Variants in YWHAE observed in about 807,000 individuals in gnomAD.
YWHAE encodes the protein 14-3-3 protein epsilon.
In YWHAE, 4 loss-of-function variants were observed where a neutral mutation model predicts 30.1. The observed-to-expected ratio is 0.13, with a 90% confidence interval of 0.07 to 0.30. The LOEUF (loss-of-function observed/expected upper bound fraction) is 0.30, where lower values mean the gene tolerates loss of function less well. Ranked by LOEUF, YWHAE falls within the 10% of genes least tolerant of loss-of-function variation. The probability of loss-of-function intolerance (pLI) is 1.00; values close to 1 mark genes in which losing one functional copy is unlikely to be tolerated. For synonymous variants in YWHAE, 118 were observed against 111.8 expected (o/e 1.06, Z -0.35); for missense variants, 121 against 315.9 (o/e 0.38, Z 4.68).
At chr17:1,363,943 C>G (rs1290495824) in intron 2 of YWHAE, among the ~76,000 whole-genome samples, 1 of 152,046 alleles carries the variant, frequency 6.6e-6, no homozygotes, top group African/African-American at 2.4e-5. Flanking sequence ...TTAGCAGCAC[C>G]CCAGTCCCCA....
intron 1 of YWHAE, among the ~76,000 whole-genome samples, chr17:1,366,926 AG>A (rs1220077010): frequency 6.6e-6 from 1 of 152,118 alleles, no homozygotes; most frequent in Non-Finnish European, 1.5e-5. Context: ...TGGGTGACAG[AG>A]TGAGACTCCG....
intron 1 of YWHAE, among the ~76,000 whole-genome samples, chr17:1,383,439 G>A (rs2073248309): frequency 2.0e-5 from 3 of 148,990 alleles, no homozygotes; most frequent in Non-Finnish European, 4.4e-5. Context: ...CCCGGCTGGA[G>A]TGCAGTGGCA....
chr17:1,355,587 A>G (rs2072727154), intron 4 of YWHAE, among the ~76,000 whole-genome samples: 1 of 152,190 alleles, frequency 6.6e-6, no homozygotes, highest in African/African-American at 2.4e-5. Flanking sequence ...TATGTAAGCC[A>G]TTTACAGTTT....
chr17:1,373,622 C>G (rs1422213248), intron 1 of YWHAE, among the ~76,000 whole-genome samples: 3 of 151,202 alleles, frequency 2.0e-5, no homozygotes, highest in Non-Finnish European at 2.9e-5. Flanking sequence ...GAGTAGAGAT[C>G]GTGGCACTGC....
intron 1 of YWHAE, among the ~76,000 whole-genome samples, chr17:1,381,891 C>G (rs543617269): frequency 8.4e-6 from 1 of 119,288 alleles, no homozygotes; most frequent in Non-Finnish European, 1.6e-5. Context: ...CCAGCCTGCA[C>G]GAGAGAGCGA....
Position 1,364,919 on chromosome 17 carries a change from C to T in YWHAE, c.204G>A (p.Gln68=). 2 of 1,614,112 alleles carry T rather than the reference C, an allele frequency of 1.2e-6. No homozygotes were observed. The highest frequency in any genetic ancestry group is 1.7e-6 in the Non-Finnish European group (2 of 1,180,000). The change falls in exon 2 of 6, where the codon CAG becomes CAA. Residue 68 remains glutamine, a synonymous_variant. Coordinates refer to ENST00000264335, the MANE Select transcript of YWHAE (RefSeq NM_006761.5). ...CTTCTCCTCCCTTGTTTTCTTCTTT[C>T]TGTTCAATGCTGCTGATTATTCTCC... is the stretch of plus-strand genomic sequence containing the variant. The part of the protein sequence containing the change: ...ASWRIISSIE[Q]KEENKGGEDK...
intron 1 of YWHAE, among the ~76,000 whole-genome samples, chr17:1,378,946 T>C (rs1567976154): frequency 6.9e-6 from 1 of 145,054 alleles, no homozygotes; most frequent in Non-Finnish European, 1.5e-5. Context: ...CAAAACTCTG[T>C]CTCAAAAAAA....
intron 1 of YWHAE, among the ~76,000 whole-genome samples, chr17:1,371,185 C>T (rs1231217142): frequency 1.3e-5 from 2 of 152,026 alleles, no homozygotes; most frequent in African/African-American, 4.8e-5. Context: ...CCAGCTCAAG[C>T]GATCCTCCAA....
chr17:1,349,124 C>T (rs936034313), intron 5 of YWHAE, among the ~76,000 whole-genome samples: 7 of 151,810 alleles, frequency 4.6e-5, no homozygotes, highest in South Asian at 4.1e-4. Flanking sequence ...AGGTGGATCA[C>T]GAGGTTAGGA....
chr17:1,376,404 G>GA (rs759105262), intron 1 of YWHAE, among the ~76,000 whole-genome samples: 3 of 151,108 alleles, frequency 2.0e-5, no homozygotes, highest in Non-Finnish European at 3.0e-5. Context: ...GAGAGAGAAA[G>GA]AAAGAAAAGA....
At chr17:1,362,136 CCCTTCTT>C (rs1179597867) in intron 2 of YWHAE, 128 bp from the exon 3 acceptor site, 5 of 549,414 alleles carry the variant, frequency 9.1e-6, no homozygotes, top group Admixed American at 3.7e-5. Context: ...TCTCCAAACT[CCCTTCTT>C]CCTTCTTGAC....
At chr17:1,346,802 C>T (rs1170277797) in intron 5 of YWHAE, among the ~76,000 whole-genome samples, 1 of 151,544 alleles carries the variant, frequency 6.6e-6, no homozygotes, top group Admixed American at 6.6e-5. Flanking sequence ...CTGGCTAACA[C>T]AGTAAATCCC....
At chr17:1,360,537 G>C (rs140663781) in intron 4 of YWHAE, among the ~76,000 whole-genome samples, 1 of 152,042 alleles carries the variant, frequency 6.6e-6, no homozygotes, top group Admixed American at 6.6e-5. Flanking sequence ...GAAGGCGGGC[G>C]GATCACTTGA....
rs139644318 is a variant in YWHAE, at chr17:1,395,990, T to C, written c.64+4057A>G. Among the ~76,000 whole-genome samples, 708 of 151,886 alleles carry C rather than the reference T, an allele frequency of 4.7e-3. 5 individuals carry two copies. The highest frequency in any genetic ancestry group is 0.016 in the African/African-American group (656 of 41,406). Reference sequence around the variant, plus strand: ...AAAATTAGCCTGGCATAGTGGCGGATGCCTGTAATCCCAGCTACTCTTGGA... The same window carrying C: ...AAAATTAGCCTGGCATAGTGGCGGACGCCTGTAATCCCAGCTACTCTTGGA... On this transcript the variant is annotated intron_variant, in intron 1 of 5. Transcript: ENST00000264335.
intron 1 of YWHAE, among the ~76,000 whole-genome samples, chr17:1,395,140 T>G (rs1364046493): frequency 7.1e-6 from 1 of 141,402 alleles, no homozygotes; most frequent in East Asian, 2.1e-4. Context: ...CGCCTGTAAT[T>G]CCAACACTTT....
Position 1,373,829 on chromosome 17 carries a change from ACAAT to A in YWHAE, c.65-8775_65-8772del, listed in dbSNP as rs144662634. On this transcript the variant is annotated intron_variant, in intron 1 of 5. Coordinates refer to ENST00000264335, the MANE Select transcript of YWHAE (RefSeq NM_006761.5). ...TGTAAAAATGTAGTATCTGTGAAGC[ACAAT>A]CAAACAGGGTGTACCTACGAACAGA... 5.0e-4 allele frequency among the ~76,000 whole-genome samples: 76 copies of A among 152,268 alleles called. No individual in the cohort carries two copies. In the East Asian group the frequency reaches 6.8e-3, roughly 14 times the overall value.
intron 4 of YWHAE, 111 bp from the exon 5 acceptor site, chr17:1,354,458 AATG>A (rs1209523983): frequency 1.3e-5 from 14 of 1,086,590 alleles, no homozygotes; most frequent in Non-Finnish European, 1.8e-5. Flanking sequence ...TAATAGTCAC[AATG>A]ATAATGCAAA....
rs970793970 is a variant in YWHAE, at chr17:1,358,565, C to T, written c.578+2527G>A. Reference sequence around the variant, plus strand: ...AAAAAAAATTTAAAAATTGGCCGGGCGCAGTGGCTCATGCCTGTAATCCCA... The same window carrying T: ...AAAAAAAATTTAAAAATTGGCCGGGTGCAGTGGCTCATGCCTGTAATCCCA... On this transcript the variant is annotated intron_variant, in intron 4 of 5. Coordinates refer to ENST00000264335, the MANE Select transcript of YWHAE (RefSeq NM_006761.5). Among the ~76,000 whole-genome samples the T allele has an allele frequency of 1.9e-3, 283 of 149,870 alleles. 1 individual carries two copies. Among genetic ancestry groups the T allele is most frequent in the African/African-American group, 6.4e-3 (264 of 41,004 alleles).
chr17:1,357,590 A>G (rs1368772913), intron 4 of YWHAE, among the ~76,000 whole-genome samples: 1 of 151,882 alleles, frequency 6.6e-6, no homozygotes, highest in Non-Finnish European at 1.5e-5. Flanking sequence ...AATAAAAAAA[A>G]AAAGCAAAAA....
Sources: allele counts gnomAD v4.1 joint callset (sites outside exome capture counted in the v4.1 genomes callset), GRCh38; gene constraint gnomAD v4.1.1; transcripts MANE v1.5; gene names NCBI Gene and HGNC (gene_info 2026-07-23, HGNC 2026-07-21).